Variants in DCC observed in about 807,000 individuals in gnomAD.
The protein encoded by DCC is DCC netrin 1 receptor.
DCC carries 58 observed loss-of-function variants against 172.5 expected under a neutral mutation model. The observed-to-expected ratio is 0.34, with a 90% CI of 0.27 to 0.42. DCC has a LOEUF of 0.42. Ranked by LOEUF, DCC falls within the 10% of genes least tolerant of loss-of-function variation. DCC has a pLI of 1.00. For synonymous variants in DCC, 709 were observed against 644.5 expected, an observed-to-expected ratio of 1.10 and a Z score of -1.52; for missense variants, 1,740 against 1,791.0, an observed-to-expected ratio of 0.97 and a Z score of 0.51.
chr18:52,716,834 T>G (rs551019003), intron 1 of DCC, among the ~76,000 whole-genome samples: 3 of 152,322 alleles, frequency 2.0e-5, no homozygotes, highest in African/African-American at 4.8e-5. Flanking sequence ...AGGTAACCAT[T>G]TTTTCATCTT....
intron 8 of DCC, among the ~76,000 whole-genome samples, chr18:53,169,932 C>G (rs1376145552): frequency 6.6e-6 from 1 of 152,068 alleles, no homozygotes; most frequent in East Asian, 1.9e-4. Flanking sequence ...ATAGTGGAAC[C>G]AGAGAAATCC....
At chr18:52,409,662 T>C (rs1598795210) in intron 1 of DCC, among the ~76,000 whole-genome samples, 2 of 152,244 alleles carry the variant, frequency 1.3e-5, no homozygotes, top group East Asian at 3.9e-4. Context: ...CATGAGCTAT[T>C]TATCAGTTTT....
chr18:52,653,454 A>T (rs545161247), intron 1 of DCC, among the ~76,000 whole-genome samples: 1 of 152,340 alleles, frequency 6.6e-6, no homozygotes, highest in Non-Finnish European at 1.5e-5. Flanking sequence ...CCATGTTTGA[A>T]TTATTGATCT....
At chr18:53,368,497 C>T (rs2058028869) in intron 15 of DCC, among the ~76,000 whole-genome samples, 1 of 151,984 alleles carries the variant, frequency 6.6e-6, no homozygotes, top group African/African-American at 2.4e-5. Flanking sequence ...CTGTTGGTGT[C>T]ATATCCAAGA....
chr18:53,106,714 T>C (rs1020952351), intron 7 of DCC, among the ~76,000 whole-genome samples: 5 of 151,844 alleles, frequency 3.3e-5, no homozygotes, highest in African/African-American at 4.8e-5. Flanking sequence ...AGCAAGTTTA[T>C]TGAGAATGTA....
chr18:52,618,431 GTCTC>G (rs1357682830), intron 1 of DCC, among the ~76,000 whole-genome samples: 3 of 152,130 alleles, frequency 2.0e-5, no homozygotes, highest in African/African-American at 7.2e-5. Context: ...ACCAAAAAAT[GTCTC>G]TCTCTAACTT....
At chr18:53,493,063 A>C (rs1288487482) in intron 26 of DCC, among the ~76,000 whole-genome samples, 2 of 151,850 alleles carry the variant, frequency 1.3e-5, no homozygotes, top group East Asian at 3.9e-4. Context: ...ATTCCTAGGT[A>C]TTATTTTGTT....
chr18:53,223,588 C>T (rs554873467), intron 12 of DCC, among the ~76,000 whole-genome samples: 1 of 152,114 alleles, frequency 6.6e-6, no homozygotes, highest in Admixed American at 6.6e-5. Context: ...TAATTTAGTT[C>T]ATGGAAGTTG....
chr18:52,942,184 A>G (rs2040474433), intron 5 of DCC, among the ~76,000 whole-genome samples: 1 of 152,204 alleles, frequency 6.6e-6, no homozygotes. Context: ...AATAATATGA[A>G]AATACTAATA....
chr18:53,296,415 A>T (rs1406196067), intron 12 of DCC, among the ~76,000 whole-genome samples: 1 of 152,058 alleles, frequency 6.6e-6, no homozygotes, highest in Non-Finnish European at 1.5e-5. Flanking sequence ...GTTTCCTTTC[A>T]TTTGTACCAT....
chr18:52,624,289 G>A (rs765702202), intron 1 of DCC, among the ~76,000 whole-genome samples: 2 of 151,870 alleles, frequency 1.3e-5, no homozygotes, highest in East Asian at 1.9e-4. Flanking sequence ...AATCCTTCTC[G>A]TCTGCTTTTG....
At chr18:52,471,411 T>C (rs1178010333) in intron 1 of DCC, among the ~76,000 whole-genome samples, 1 of 152,236 alleles carries the variant, frequency 6.6e-6, no homozygotes, top group African/African-American at 2.4e-5. Flanking sequence ...GCAGACCTTT[T>C]TCATCAGTTT....
intron 1 of DCC, among the ~76,000 whole-genome samples, chr18:52,730,297 T>C (rs955684259): frequency 6.6e-6 from 1 of 152,032 alleles, no homozygotes; most frequent in Non-Finnish European, 1.5e-5. Context: ...AGACATCCTA[T>C]AATGCACAGG....
At chr18:52,526,800 A>T (rs1050946432) in intron 1 of DCC, among the ~76,000 whole-genome samples, 4 of 152,160 alleles carry the variant, frequency 2.6e-5, no homozygotes, top group African/African-American at 9.7e-5. Context: ...ACAGTTACAC[A>T]CACACATGGT....
At chr18:52,934,030 T>C in intron 5 of DCC, among the ~76,000 whole-genome samples, 1 of 152,014 alleles carries the variant, frequency 6.6e-6, no homozygotes. Flanking sequence ...CTAAAGCCAG[T>C]TGGAAAGATT....
chr18:52,811,409 C>A (rs1490782923), intron 2 of DCC, among the ~76,000 whole-genome samples: 2 of 152,140 alleles, frequency 1.3e-5, no homozygotes, highest in African/African-American at 4.8e-5. Context: ...AGTGATTCAA[C>A]AGAAAATACC....
chr18:52,405,674 A>G (rs200769449), intron 1 of DCC, among the ~76,000 whole-genome samples: 16,663 of 151,288 alleles, frequency 0.11, 984 homozygotes, highest in Middle Eastern at 0.18. Context: ...ATAAAAGAGG[A>G]TACAAACAAA....
chr18:53,258,944 A>G (rs1299635023), intron 12 of DCC, among the ~76,000 whole-genome samples: 11 of 152,090 alleles, frequency 7.2e-5, no homozygotes, highest in Non-Finnish European at 1.2e-4. Context: ...TGTTGAATTG[A>G]TCCCTTTACC....
chr18:52,950,818 G>C (rs1423975801), intron 5 of DCC, among the ~76,000 whole-genome samples: 1 of 151,384 alleles, frequency 6.6e-6, no homozygotes, highest in South Asian at 2.1e-4. Context: ...CCAGCTACTC[G>C]GGAGGCTGTG....
Sources: gnomAD v4.1 joint callset for allele counts (sites outside exome capture counted in the v4.1 genomes callset) on GRCh38, gnomAD v4.1.1 for gene constraint, MANE v1.5 for transcripts, NCBI Gene and HGNC (gene_info 2026-07-23, HGNC 2026-07-21) for gene names.